Variants in NCOA2 observed in about 807,000 individuals in gnomAD.
NCOA2 encodes class E basic helix-loop-helix protein 75.
A neutral mutation model predicts 145.1 loss-of-function variants in NCOA2; 21 were observed. That is an observed-to-expected ratio of 0.14 (90% confidence interval 0.10 to 0.21). The LOEUF is 0.21. Among genes scored for constraint, NCOA2 ranks in the 10% least tolerant of loss-of-function variants. The pLI is 1.00. For missense variants in NCOA2, 1,472 were observed against 1,837.6 expected (o/e 0.80, Z 3.64); for synonymous variants, 619 against 637.5 (o/e 0.97, Z 0.44).
chr8:70,191,648 G>A (rs1162803136), intron 4 of NCOA2, among the ~76,000 whole-genome samples: 1 of 152,172 alleles, frequency 6.6e-6, no homozygotes, highest in African/African-American at 2.4e-5. Context: ...GAGGGAGAGG[G>A]AGAAAGAGAC....
chr8:70,158,584 T>G (rs1812532266), intron 10 of NCOA2, among the ~76,000 whole-genome samples: 1 of 152,054 alleles, frequency 6.6e-6, no homozygotes, highest in Admixed American at 6.6e-5. Context: ...TTCCAGCAAT[T>G]TGGGAGGCCA....
the NCOA2 span, among the ~76,000 whole-genome samples, chr8:70,412,838 C>T: frequency 6.6e-6 from 1 of 151,916 alleles, no homozygotes; most frequent in Non-Finnish European, 1.5e-5. Flanking sequence ...TGGCTCATAC[C>T]TATAATCCCA....
chr8:70,271,808 A>G (rs1825069196), intron 2 of NCOA2, among the ~76,000 whole-genome samples: 1 of 152,290 alleles, frequency 6.6e-6, no homozygotes, highest in African/African-American at 2.4e-5. Flanking sequence ...ACTTGCCCTC[A>G]ACCCACATGT....
chr8:70,367,394 T>C (rs1810810957), intron 1 of NCOA2, among the ~76,000 whole-genome samples: 1 of 152,234 alleles, frequency 6.6e-6, no homozygotes, highest in East Asian at 1.9e-4. Flanking sequence ...TATTAAGTAC[T>C]ACTATTTTTT....
rs771156527 is a variant in NCOA2, at chr8:70,126,891, T to C, written c.3838A>G (p.Ser1280Gly). ...LNMTPSMVAP[S>G]GMPATMSNPR... ...TTGCTCATAGTTGCTGGCATACCAC[T>C]AGGAGCCACCATGCTTGGTGTCATA... Residue 1280 changes from serine (S) to glycine (G), a missense_variant, in exon 19 of 23, where the codon AGT (serine) becomes GGT (glycine). This residue lies in a region of NCOA2 where 232 missense variants were observed against 290.6 expected (regional missense o/e 0.80). Coordinates refer to ENST00000452400, the MANE Select transcript of NCOA2 (RefSeq NM_006540.4). 64 of 1,613,888 alleles carry C rather than the reference T, an allele frequency of 4.0e-5. No individual in the cohort carries two copies. The highest frequency in any genetic ancestry group is 3.4e-6 in the Non-Finnish European group (4 of 1,179,888).
In NCOA2 at chr8:70,156,754, A is replaced by G; in HGVS notation, c.1611T>C (p.Leu537=). ...HSYTNSSLNA[L]QALSEGHGVS... is the part of the protein sequence containing the mutation. ...CCCCGTGCCCCTCGCTGAGGGCCTGAAGTGCATTGAGGGAGCTGTTGGTAT... is the reference window on the plus strand; with the variant it reads ...CCCCGTGCCCCTCGCTGAGGGCCTGGAGTGCATTGAGGGAGCTGTTGGTAT... The change falls in exon 11 of 23, where the codon CTT becomes CTC. Residue 537 remains leucine (L), a synonymous_variant. Transcript: ENST00000452400. The G allele has an allele frequency of 6.2e-7, 1 of 1,613,976 alleles. No homozygotes were observed. The highest frequency in any genetic ancestry group is 8.5e-7 in the Non-Finnish European group (1 of 1,179,886).
At chr8:70,268,759 A>C (rs1220091420) in intron 2 of NCOA2, among the ~76,000 whole-genome samples, 1 of 152,210 alleles carries the variant, frequency 6.6e-6, no homozygotes, top group Non-Finnish European at 1.5e-5. Flanking sequence ...ACCTAACATG[A>C]ATTCTGTACA....
chr8:70,389,914 C>A (rs1480536272), intron 1 of NCOA2, among the ~76,000 whole-genome samples: 1 of 152,046 alleles, frequency 6.6e-6, no homozygotes, highest in Non-Finnish European at 1.5e-5. Flanking sequence ...GATCTGCCCA[C>A]CTCGGCCTCC....
At position 70,156,795 on chromosome 8, in the gene NCOA2, C is replaced by T. The variant is rs1812345070; in HGVS notation, c.1570G>A (p.Gly524Arg). The change falls in exon 11 of 23, where the codon GGA becomes AGA. Residue 524 changes from glycine to arginine, a missense_variant. Physicochemically the swap from Gly to Arg is moderately radical, Grantham distance 125. This residue lies in a region of NCOA2 where 953 missense variants were observed against 1,062.1 expected (regional missense o/e 0.90). Coordinates refer to ENST00000452400, the MANE Select transcript of NCOA2 (RefSeq NM_006540.4). ...HSPVGVCSST[G>R]NSHSYTNSSL... ...CTGTTGGTATAACTATGGCTATTTCCTGTGCTGCTGCAAACTCCCACAGGG... is the reference window on the plus strand; with the variant it reads ...CTGTTGGTATAACTATGGCTATTTCTTGTGCTGCTGCAAACTCCCACAGGG... The T allele has an allele frequency of 6.2e-7, 1 of 1,613,880 alleles. No homozygotes were observed. Among genetic ancestry groups the T allele is most frequent in the Non-Finnish European group, 8.5e-7 (1 of 1,179,898 alleles).
At chr8:70,219,816 T>C (rs1819986766) in intron 2 of NCOA2, among the ~76,000 whole-genome samples, 1 of 152,140 alleles carries the variant, frequency 6.6e-6, no homozygotes, top group South Asian at 2.1e-4. Flanking sequence ...CTGTCTGATA[T>C]TTCTAATGCT....
chr8:70,122,049 C>T (rs1394596417), intron 21 of NCOA2, among the ~76,000 whole-genome samples: 1 of 152,256 alleles, frequency 6.6e-6, no homozygotes, highest in South Asian at 2.1e-4. Context: ...AAAAATACAT[C>T]AAATAAAAAT....
At chr8:70,257,859 G>A (rs1249142664) in intron 2 of NCOA2, among the ~76,000 whole-genome samples, 1 of 150,514 alleles carries the variant, frequency 6.6e-6, no homozygotes, top group African/African-American at 2.4e-5. Context: ...CTGTCACTGA[G>A]CCCCACCTCC....
At chr8:70,186,867 C>T (rs1586010325) in intron 4 of NCOA2, among the ~76,000 whole-genome samples, 1 of 152,150 alleles carries the variant, frequency 6.6e-6, no homozygotes, top group South Asian at 2.1e-4. Context: ...TTCATTAACA[C>T]CTAAATTCAA....
At chr8:70,286,334 T>G (rs1826230535) in intron 2 of NCOA2, among the ~76,000 whole-genome samples, 1 of 152,154 alleles carries the variant, frequency 6.6e-6, no homozygotes, top group East Asian at 1.9e-4. Context: ...TGAGCTATGA[T>G]TGTGCCACTG....
chr8:70,132,108 G>C, intron 15 of NCOA2, 106 bp from the exon 16 acceptor site: 2 of 1,146,594 alleles, frequency 1.7e-6, no homozygotes, highest in Non-Finnish European at 1.2e-6. Context: ...CAGGGTTGTT[G>C]CAACAAACTA....
At chr8:70,455,076 T>C in the NCOA2 span, among the ~76,000 whole-genome samples, 3 of 152,362 alleles carry the variant, frequency 2.0e-5, no homozygotes, top group South Asian at 6.2e-4. Context: ...GAACATTAAA[T>C]CTATAGAAGA....
At chr8:70,333,339 T>G (rs1807276164) in intron 1 of NCOA2, among the ~76,000 whole-genome samples, 2 of 152,178 alleles carry the variant, frequency 1.3e-5, no homozygotes, top group African/African-American at 4.8e-5. Flanking sequence ...CCCATCACCC[T>G]GAAGCTGCAT....
intron 1 of NCOA2, among the ~76,000 whole-genome samples, chr8:70,394,818 G>A (rs1022554171): frequency 3.9e-5 from 6 of 152,060 alleles, no homozygotes; most frequent in African/African-American, 9.7e-5. Context: ...TGTAATACTC[G>A]ATCCTACTAC....
At chr8:70,141,747 CA>C (rs1810459533) in intron 13 of NCOA2, among the ~76,000 whole-genome samples, 1 of 152,080 alleles carries the variant, frequency 6.6e-6, no homozygotes. Context: ...CTTTACTTTC[CA>C]AAAGGGAGGT....
Sources: allele counts gnomAD v4.1 joint callset (sites outside exome capture counted in the v4.1 genomes callset), GRCh38; gene constraint gnomAD v4.1.1; regional missense constraint gnomAD v4.1.1; transcripts MANE v1.5; gene names NCBI Gene and HGNC (gene_info 2026-07-23, HGNC 2026-07-21).